The following TECPR1 variants were observed in gnomAD, a reference collection of about 807,000 sequenced individuals.
The protein encoded by TECPR1 is tectonin beta-propeller repeat containing 1.
Under a neutral mutation model 162.4 loss-of-function variants are expected in TECPR1, and 122 were observed. The observed-to-expected ratio is 0.75, with a 90% CI of 0.65 to 0.87. The LOEUF (loss-of-function observed/expected upper bound fraction) is 0.87, where lower values mean the gene tolerates loss of function less well. Ranked by LOEUF, TECPR1 falls within the 40% of genes least tolerant of loss-of-function variation. TECPR1 has a pLI of 0.00. For missense variants in TECPR1, 1,432 were observed against 1,618.2 expected (o/e 0.88, Z 1.97); for synonymous variants, 642 against 670.6 (o/e 0.96, Z 0.66).
Position 98,240,975 on chromosome 7 carries a change from C to T in TECPR1, c.833-24G>A, listed in dbSNP as rs778412705. The T allele has an allele frequency of 3.8e-6, 6 of 1,592,804 alleles. No individual in the cohort carries two copies. In the South Asian group the frequency reaches 6.9e-5, roughly 18 times the overall value. ...TCCTACCGGGCCCCCAAGAAACCCC[C>T]AGTGGCCCCCATCAGCCTGGACAGC... On this transcript the variant is annotated intron_variant, in intron 7 of 25. Transcript: ENST00000447648.
Position 98,231,389 on chromosome 7 carries a change from G to C in TECPR1, c.1975-16C>G. The C allele has an allele frequency of 6.3e-7, 1 of 1,580,516 alleles. No individual in the cohort carries two copies. ...TGTGGATGTACTGTTCACAGAACAGGCGCCCGGCAGGGCTGTCACCCAGGG... is the reference window on the plus strand; with the variant it reads ...TGTGGATGTACTGTTCACAGAACAGCCGCCCGGCAGGGCTGTCACCCAGGG... On this transcript the variant is annotated splice_polypyrimidine_tract_variant and intron_variant, in intron 13 of 25. Transcript: ENST00000447648.
intron 22 of TECPR1, among the ~76,000 whole-genome samples, 156 bp from the exon 23 acceptor site, chr7:98,221,909 C>T (rs1198155710): frequency 6.6e-6 from 1 of 152,200 alleles, no homozygotes; most frequent in Non-Finnish European, 1.5e-5. Context: ...GTCCACCCAG[C>T]ACTGTGCCTG....
chr7:98,241,278 C>A lies in TECPR1; in HGVS notation c.658-34G>T. On this transcript the variant is annotated intron_variant, in intron 6 of 25. Transcript: ENST00000447648. The surrounding 1 kb of genome is among the most constrained non-coding windows in gnomAD (Gnocchi z 5.0). Reference sequence around the variant, plus strand: ...CAAGACAGGGACACAGCACCTGCATCAACTCATTCACACCAGCCAAGCACG... The same window carrying A: ...CAAGACAGGGACACAGCACCTGCATAAACTCATTCACACCAGCCAAGCACG... The A allele has an allele frequency of 6.2e-7, 1 of 1,609,850 alleles. No homozygotes were observed. Among genetic ancestry groups the A allele is most frequent in the South Asian group, 1.1e-5 (1 of 90,734 alleles).
chr7:98,216,223 T>C lies in TECPR1; in HGVS notation c.*1167A>G, dbSNP rs1232026299. On this transcript the variant is annotated 3_prime_UTR_variant, in exon 26 of 26. Transcript: ENST00000447648. ...GCCGGGCCAGCCTCTCGCCACAGGA[T>C]GGAGGGTGACTGTGCACCCTGCTCC... The C allele has an allele frequency of 6.6e-6, 1 of 152,318 alleles. No homozygotes were observed. The highest frequency in any genetic ancestry group is 2.4e-5 in the African/African-American group (1 of 41,448). 9.4% of individuals were successfully genotyped at this position (152,318 alleles called of 1,614,324 possible). A position where few individuals can be genotyped will look rare whatever the true frequency, so the allele number is the denominator to read the frequency against.
intron 23 of TECPR1, among the ~76,000 whole-genome samples, 174 bp downstream of exon 23, chr7:98,221,487 T>G (rs202228019): frequency 8.2e-6 from 1 of 121,504 alleles, no homozygotes; most frequent in African/African-American, 2.9e-5. Flanking sequence ...TTAAAGTTTT[T>G]TTTTTTTTTG....
intron 23 of TECPR1, among the ~76,000 whole-genome samples, chr7:98,218,482 C>T (rs149520451): frequency 3.9e-5 from 6 of 152,296 alleles, no homozygotes; most frequent in East Asian, 1.9e-4. Context: ...CTAAAGACGC[C>T]TCCAAAAGAC....
intron 16 of TECPR1, 93 bp from the exon 17 acceptor site, chr7:98,228,209 G>T: frequency 9.8e-7 from 1 of 1,017,652 alleles, no homozygotes; most frequent in Non-Finnish European, 1.5e-6. Flanking sequence ...CAGAGAGACG[G>T]GGAGGGCGGG....
In TECPR1 at chr7:98,217,202, C is replaced by G; in HGVS notation, c.*188G>C. 5.1e-6 allele frequency: 3 copies of G among 583,912 alleles called. No homozygotes were observed. The highest frequency in any genetic ancestry group is 3.1e-5 in the Admixed American group (1 of 32,126). The allele number at this position is 583,912 out of a possible 1,614,324, so 36.2% of individuals were successfully genotyped here. A position where few individuals can be genotyped will look rare whatever the true frequency, so the allele number is the denominator to read the frequency against. On this transcript the variant is annotated 3_prime_UTR_variant, in exon 26 of 26. Transcript: ENST00000447648. ...AGACGGGGACACGTGTGGGAGTGTC[C>G]GCGGAGCTTCACATTTCAGGGCCGT... is the stretch of plus-strand genomic sequence containing the variant.
chr7:98,219,857 C>G (rs1323327125), intron 23 of TECPR1, among the ~76,000 whole-genome samples: 3 of 150,630 alleles, frequency 2.0e-5, no homozygotes, highest in Non-Finnish European at 4.4e-5. Flanking sequence ...GCCGAGATCG[C>G]ACCACTGCAC....
intron 25 of TECPR1, 69 bp from the exon 26 acceptor site, chr7:98,217,572 G>A (rs1237081151): frequency 5.8e-6 from 9 of 1,539,960 alleles, no homozygotes; most frequent in African/African-American, 1.4e-5. Context: ...TCTGCCTGGG[G>A]GCCTCCCTGC....
chr7:98,244,838 C>A lies in TECPR1; in HGVS notation c.408+47G>T, dbSNP rs765551820. The stretch of plus-strand genomic sequence containing the variant: ...GACAGAAGCAGGGACAGGCGGGAGG[C>A]ACCCCCTCCCCACAGGGCAGTCATG... On this transcript the variant is annotated intron_variant, in intron 4 of 25. Coordinates refer to ENST00000447648, the MANE Select transcript of TECPR1 (RefSeq NM_015395.3). The A allele has an allele frequency of 2.5e-6, 4 of 1,599,984 alleles. No homozygotes were observed. In the African/African-American group the frequency reaches 5.4e-5, roughly 21 times the overall value.
intron 17 of TECPR1, chr7:98,226,905 C>A (rs766074348): frequency 5.9e-5 from 10 of 168,488 alleles, no homozygotes; most frequent in Non-Finnish European, 1.3e-4. Flanking sequence ...TGCACTCCAG[C>A]CTGGGCGACA....
intron 10 of TECPR1, among the ~76,000 whole-genome samples, chr7:98,236,390 G>A (rs946955430): frequency 1.3e-5 from 2 of 152,144 alleles, no homozygotes; most frequent in African/African-American, 4.8e-5. Context: ...CTGGACAGAA[G>A]GGCCTTTACT....
chr7:98,229,076 C>T lies in TECPR1; in HGVS notation c.2373G>A (p.Trp791Ter). 6.3e-7 allele frequency: 1 copy of T among 1,593,206 alleles called. No individual in the cohort carries two copies. Among genetic ancestry groups the T allele is most frequent in the Non-Finnish European group, 8.5e-7 (1 of 1,170,706 alleles). Residue 791 changes from tryptophan to a stop codon, truncating the protein, a stop_gained, in exon 16 of 26, where the codon TGG (tryptophan) becomes TGA (stop). Coordinates refer to ENST00000447648, the MANE Select transcript of TECPR1 (RefSeq NM_015395.3). LOFTEE classifies it high-confidence loss of function. The stretch of plus-strand genomic sequence containing the variant: ...CGCCTCCATAGCCGCCTGTGTATAC[C>T]CAGGCCGTGTGGTCATAGCCGATGC... ...VWGIGYDHTAWVYTGGYGGGC... is the reference protein window; with the variant it reads ...VWGIGYDHTA
At chr7:98,226,735 A>AGGCTGGTCT in intron 17 of TECPR1, 1 of 941,410 alleles carries the variant, frequency 1.1e-6, no homozygotes. Flanking sequence ...GGAGTTGGAG[A>AGGCTGGTCT]CCAGCCTCAC....
At chr7:98,221,067 C>T (rs1311951952) in intron 23 of TECPR1, among the ~76,000 whole-genome samples, 11 of 148,708 alleles carry the variant, frequency 7.4e-5, no homozygotes, top group African/African-American at 2.2e-4. Context: ...TTTGGGAGGC[C>T]GAGGTGGGCA....
chr7:98,228,906 G>C (rs1798347914), intron 16 of TECPR1, 133 bp downstream of exon 16: 2 of 1,298,214 alleles, frequency 1.5e-6, no homozygotes, highest in Admixed American at 5.1e-5. Context: ...AGTGGTGAAG[G>C]TCACCTGTCA....
chr7:98,218,157 T>A (rs922388646), intron 23 of TECPR1, 115 bp from the exon 24 acceptor site: 3 of 796,626 alleles, frequency 3.8e-6, no homozygotes, highest in Non-Finnish European at 6.1e-6. Context: ...TTTGGGAAGC[T>A]GCTGGGGAGG....
At position 98,215,473 on chromosome 7, in the gene TECPR1, G is replaced by A. The variant is rs962552126; in HGVS notation, c.*1917C>T. The A allele has an allele frequency of 3.3e-5, 5 of 152,320 alleles. No individual in the cohort carries two copies. The highest frequency in any genetic ancestry group is 3.3e-4 in the Admixed American group (5 of 15,300). The allele number at this position is 152,320 out of a possible 1,614,324, so 9.4% of individuals were successfully genotyped here. A position where few individuals can be genotyped will look rare whatever the true frequency, so the allele number is the denominator to read the frequency against. On this transcript the variant is annotated 3_prime_UTR_variant, in exon 26 of 26. Coordinates refer to ENST00000447648, the MANE Select transcript of TECPR1 (RefSeq NM_015395.3). ...GCTTCAGGCACACGGGGAACCACGC[G>A]TTTTAATCAACGTATCGATAAAAAA...
Sources: allele counts gnomAD v4.1 joint callset (sites outside exome capture counted in the v4.1 genomes callset), GRCh38; gene constraint gnomAD v4.1.1; non-coding constraint Gnocchi (gnomAD v3.1); transcripts MANE v1.5; gene names NCBI Gene and HGNC (gene_info 2026-07-23, HGNC 2026-07-21).